Variants in MYO15A observed in about 807,000 individuals in gnomAD.
The protein encoded by MYO15A is myosin XVA.
A neutral mutation model predicts 394.6 loss-of-function variants in MYO15A; 308 were observed. The observed-to-expected ratio is 0.78, with a 90% CI of 0.71 to 0.86. The LOEUF (loss-of-function observed/expected upper bound fraction) is 0.86. MYO15A is among the 40% of genes least tolerant of loss of function. The pLI is 0.00. For synonymous variants in MYO15A, 1,957 were observed against 2,003.8 expected (o/e 0.98, Z 0.62); for missense variants, 4,606 against 4,799.1 (o/e 0.96, Z 1.19).
intron 3 of MYO15A, 61 bp downstream of exon 3, chr17:18,124,626 C>A: frequency 6.6e-7 from 1 of 1,526,540 alleles, no homozygotes; most frequent in South Asian, 1.1e-5. Flanking sequence ...ACCCTCCCAG[C>A]CAGAGCAGCT....
chr17:18,178,639 G>A, intron 65 of MYO15A, 130 bp from the exon 66 acceptor site: 1 of 889,260 alleles, frequency 1.1e-6, no homozygotes, highest in Non-Finnish European at 1.8e-6. Context: ...GGGGGAGGTG[G>A]GGACAAGGGT....
chr17:18,166,232 G>T, intron 60 of MYO15A, 129 bp from the exon 61 acceptor site: 1 of 1,135,402 alleles, frequency 8.8e-7, no homozygotes. Context: ...CCCAGAACAG[G>T]CAGGTGGCTT....
In MYO15A at chr17:18,120,427, C is replaced by A; in HGVS notation, c.1627C>A (p.Gln543Lys). ...GFLTPRQRNLQRALSAFGAHR... is the reference protein window; with the variant it reads ...GFLTPRQRNLKRALSAFGAHR... Reference sequence around the variant, plus strand: ...CCTCACGCCGCGCCAGCGCAACCTCCAGCGCGCGCTGTCGGCCTTCGGCGC... The same window carrying A: ...CCTCACGCCGCGCCAGCGCAACCTCAAGCGCGCGCTGTCGGCCTTCGGCGC... The change falls in exon 2 of 66, where the codon CAG becomes AAG. Residue 543 changes from glutamine (Q) to lysine (K), a missense_variant. Gln to Lys is a moderately conservative substitution (Grantham distance 53, BLOSUM62 1). Transcript: ENST00000647165. 6.3e-7 allele frequency: 1 copy of A among 1,595,770 alleles called. No individual in the cohort carries two copies. The highest frequency in any genetic ancestry group is 8.5e-7 in the Non-Finnish European group (1 of 1,172,962).
At chr17:18,128,848 G>A (rs142076468) in intron 7 of MYO15A, among the ~76,000 whole-genome samples, 3 of 152,200 alleles carry the variant, frequency 2.0e-5, no homozygotes, top group East Asian at 1.9e-4. Flanking sequence ...CAGGGAGGAC[G>A]GATGGAGCTG....
chr17:18,126,086 G>A (rs756911830), intron 4 of MYO15A, among the ~76,000 whole-genome samples: 2 of 152,238 alleles, frequency 1.3e-5, no homozygotes, highest in Non-Finnish European at 2.9e-5. Flanking sequence ...AATGAAGTAG[G>A]CAGGAGCCCA....
chr17:18,175,346 A>C (rs2047000609), intron 65 of MYO15A, among the ~76,000 whole-genome samples: 1 of 130,676 alleles, frequency 7.7e-6, no homozygotes, highest in Non-Finnish European at 1.6e-5. Context: ...TCTGGAGTGC[A>C]GTGGTGTGAT....
rs1215103357 is a variant in MYO15A, at chr17:18,146,112, G to A, written c.6509+5G>A. On this transcript the variant is annotated splice_donor_5th_base_variant and intron_variant, in intron 30 of 65. Coordinates refer to ENST00000647165, the MANE Select transcript of MYO15A (RefSeq NM_016239.4). ...CTTCAACAAGTACCTTCTCAAGTGA[G>A]TGGGACTGGATAGGGGCTGGGACAC... is the stretch of plus-strand genomic sequence containing the variant. 6.2e-7 allele frequency: 1 copy of A among 1,613,672 alleles called. No homozygotes were observed. Among genetic ancestry groups the A allele is most frequent in the Non-Finnish European group, 8.5e-7 (1 of 1,179,892 alleles).
Position 18,148,333 on chromosome 17 carries a change from T to C in MYO15A, c.6691+123T>C. 6.7e-7 allele frequency: 1 copy of C among 1,481,540 alleles called. No individual in the cohort carries two copies. Among genetic ancestry groups the C allele is most frequent in the Non-Finnish European group, 9.2e-7 (1 of 1,089,914 alleles). 91.8% of individuals were successfully genotyped at this position (1,481,540 alleles called of 1,614,324 possible). On this transcript the variant is annotated intron_variant, in intron 31 of 65. Coordinates refer to ENST00000647165, the MANE Select transcript of MYO15A (RefSeq NM_016239.4). This position sits in a 1 kb window ranked among gnomAD's most constrained non-coding sequence, Gnocchi z 4.8. ...GGAGGGGCCTTCTCAGATGTGGCTC[T>C]GCGTGAAAGTCTGTGTGTGGGGGTG...
chr17:18,139,220 C>A, intron 18 of MYO15A: 1 of 607,760 alleles, frequency 1.6e-6, no homozygotes, highest in South Asian at 1.9e-5. Flanking sequence ...ACTATGGTCA[C>A]CCTCATCACT....
chr17:18,136,124 G>A (rs1299812765), intron 13 of MYO15A, among the ~76,000 whole-genome samples: 1 of 152,174 alleles, frequency 6.6e-6, no homozygotes, highest in African/African-American at 2.4e-5. Context: ...GGACGGGTCA[G>A]TGCCTCCTCT....
chr17:18,132,606 C>G lies in MYO15A; in HGVS notation c.4320+40C>G. 6.5e-7 allele frequency: 1 copy of G among 1,547,778 alleles called. No homozygotes were observed. The highest frequency in any genetic ancestry group is 8.9e-7 in the Non-Finnish European group (1 of 1,129,522). On this transcript the variant is annotated intron_variant, in intron 11 of 65. Coordinates refer to ENST00000647165, the MANE Select transcript of MYO15A (RefSeq NM_016239.4). This position sits in a 1 kb window ranked among gnomAD's most constrained non-coding sequence, Gnocchi z 4.6. Reference sequence around the variant, plus strand: ...GCATCTGAAGGCCCCTGGCCCTGGTCCTCCCACCCCGACGCCCCTGGCTGG... The same window carrying G: ...GCATCTGAAGGCCCCTGGCCCTGGTGCTCCCACCCCGACGCCCCTGGCTGG...
intron 28 of MYO15A, 84 bp from the exon 29 acceptor site, chr17:18,144,413 G>C (rs2046439076): frequency 7.9e-7 from 1 of 1,266,184 alleles, no homozygotes; most frequent in Admixed American, 1.7e-5. Context: ...ATAGGCCTTG[G>C]AGCCCCATGT....
Position 18,152,162 on chromosome 17 carries a change from G to C in MYO15A, c.7944G>C (p.Arg2648Ser). 1 of 1,551,212 alleles carries C rather than the reference G, an allele frequency of 6.4e-7. No individual in the cohort carries two copies. The change falls in exon 42 of 66, where the codon AGG (arginine) becomes AGC (serine). Residue 2648 changes from arginine to serine, a missense_variant. Arg to Ser is a moderately radical substitution (Grantham distance 110, BLOSUM62 -1). Transcript: ENST00000647165. ...ALVKPVTSAP[R>S]PSMAPTSALP... ...TGAAGCCGGTGACCAGTGCACCAAG[G>C]CCATCCATGGCACCCACTTCAGGTG... is the stretch of plus-strand genomic sequence containing the variant.
chr17:18,161,245 C>T, intron 56 of MYO15A, 72 bp from the exon 57 acceptor site: 3 of 1,576,590 alleles, frequency 1.9e-6, no homozygotes, highest in Non-Finnish European at 2.6e-6. Context: ...TGTCTCAGCT[C>T]AATCCCAGGA....
chr17:18,140,675 G>C lies in MYO15A; in HGVS notation c.5360+10G>C, dbSNP rs750782238. ...TGGAAAAGATGGAGAGGTGGGGTGG[G>C]GGGCAGGTGGGCGGAGCACCCAGCC... On this transcript the variant is annotated intron_variant, in intron 20 of 65. Coordinates refer to ENST00000647165, the MANE Select transcript of MYO15A (RefSeq NM_016239.4). The C allele has an allele frequency of 1.9e-5, 30 of 1,613,928 alleles. No homozygotes were observed. Among genetic ancestry groups the C allele is most frequent in the Non-Finnish European group, 2.5e-5 (29 of 1,180,010 alleles).
chr17:18,161,086 G>C lies in MYO15A; in HGVS notation c.9387-231G>C, dbSNP rs147901129. ...GAATAGGAGAGGAAAGAGTCGCAGTGCTTCCCCTACCTGGGGAAGATGTCT... is the reference window on the plus strand; with the variant it reads ...GAATAGGAGAGGAAAGAGTCGCAGTCCTTCCCCTACCTGGGGAAGATGTCT... On this transcript the variant is annotated intron_variant, in intron 56 of 65. Coordinates refer to ENST00000647165, the MANE Select transcript of MYO15A (RefSeq NM_016239.4). 1,973 of 686,170 alleles carry C rather than the reference G, an allele frequency of 2.9e-3. 11 individuals carry two copies. Among genetic ancestry groups the C allele is most frequent in the Middle Eastern group, 5.0e-3 (19 of 3,822 alleles). The allele number at this position is 686,170 out of a possible 1,614,324, so 42.5% of individuals were successfully genotyped here. A position where few individuals can be genotyped will look rare whatever the true frequency, so the allele number is the denominator to read the frequency against.
At chr17:18,143,196 G>A (rs1034408969) in intron 25 of MYO15A, among the ~76,000 whole-genome samples, 3 of 152,180 alleles carry the variant, frequency 2.0e-5, no homozygotes, top group Non-Finnish European at 4.4e-5. Flanking sequence ...CCACCAGAAA[G>A]ACAAATGCAG....
In MYO15A at chr17:18,152,025, A is replaced by G. The variant is rs577492877; in HGVS notation, c.7893+74A>G. On this transcript the variant is annotated intron_variant, in intron 41 of 65. Coordinates refer to ENST00000647165, the MANE Select transcript of MYO15A (RefSeq NM_016239.4). ...GGGGCCTCAGGGATCCTCAGAAACCAGCTACCCCTATAAGCTGTGGCCCTG... is the reference window on the plus strand; with the variant it reads ...GGGGCCTCAGGGATCCTCAGAAACCGGCTACCCCTATAAGCTGTGGCCCTG... 1.6e-3 allele frequency: 2,394 copies of G among 1,538,506 alleles called. 7 individuals carry two copies. Among genetic ancestry groups the G allele is most frequent in the Non-Finnish European group, 2.0e-3 (2,310 of 1,136,476 alleles).
chr17:18,115,593 G>C (rs943408474), intron 1 of MYO15A, among the ~76,000 whole-genome samples: 1 of 152,106 alleles, frequency 6.6e-6, no homozygotes, highest in African/African-American at 2.4e-5. Context: ...ACTCCAGCCT[G>C]AGCAGCACAG....
Sources: allele counts gnomAD v4.1 joint callset (sites outside exome capture counted in the v4.1 genomes callset), GRCh38; gene constraint gnomAD v4.1.1; non-coding constraint Gnocchi (gnomAD v3.1); transcripts MANE v1.5; gene names NCBI Gene and HGNC (gene_info 2026-07-23, HGNC 2026-07-21).